The following MALRD1 variants were observed in gnomAD, a reference collection of about 807,000 sequenced individuals.
The protein encoded by MALRD1 is MAM and LDL-receptor class A domain-containing protein 1.
A neutral mutation model predicts 242.1 loss-of-function variants in MALRD1; 247 were observed. The observed-to-expected ratio is 1.02, with a 90% CI of 0.92 to 1.13. The LOEUF is 1.13. Among genes scored for constraint, MALRD1 ranks in the 50% most tolerant of loss-of-function variants. MALRD1 has a pLI of 0.00. For missense variants in MALRD1, 2,989 were observed against 2,533.1 expected (o/e 1.18, Z -3.86); for synonymous variants, 995 against 866.6 (o/e 1.15, Z -2.60).
At chr10:19,476,639 G>A (rs187864681) in intron 29 of MALRD1, among the ~76,000 whole-genome samples, 8 of 152,298 alleles carry the variant, frequency 5.3e-5, no homozygotes, top group Admixed American at 1.3e-4. Flanking sequence ...TGAGGTATTT[G>A]TATGTGAATA....
chr10:19,535,927 C>T lies in MALRD1; in HGVS notation c.5478+4576C>T, dbSNP rs559944593. On this transcript the variant is annotated intron_variant, in intron 32 of 39. Coordinates refer to ENST00000454679, the MANE Select transcript of MALRD1 (RefSeq NM_001142308.3). ...TAGAAACCCTTCAGAGGGGATGTGG[C>T]AAAGAAAATACCTAAGATGAATTTT... is the stretch of plus-strand genomic sequence containing the variant. 3.9e-4 allele frequency among the ~76,000 whole-genome samples: 60 copies of T among 152,006 alleles called. 1 individual carries two copies. Among genetic ancestry groups the T allele is most frequent in the African/African-American group, 1.4e-3 (58 of 41,474 alleles).
chr10:19,591,033 T>C (rs1837752382), intron 33 of MALRD1, among the ~76,000 whole-genome samples: 1 of 152,142 alleles, frequency 6.6e-6, no homozygotes, highest in South Asian at 2.1e-4. Flanking sequence ...CCTAAAAATC[T>C]CCTGTGCTCT....
At chr10:19,489,458 G>A (rs1308864593) in intron 29 of MALRD1, 5 of 583,614 alleles carry the variant, frequency 8.6e-6, no homozygotes, top group African/African-American at 1.9e-5. Flanking sequence ...TACAATCCAG[G>A]GGAATATTTT....
chr10:19,272,889 C>T (rs1237885833), intron 19 of MALRD1, among the ~76,000 whole-genome samples: 1 of 152,120 alleles, frequency 6.6e-6, no homozygotes. Context: ...GCATAGTATT[C>T]CATGGTGTAT....
chr10:19,157,546 C>T (rs1399498433), intron 12 of MALRD1, among the ~76,000 whole-genome samples: 1 of 152,094 alleles, frequency 6.6e-6, no homozygotes, highest in Non-Finnish European at 1.5e-5. Flanking sequence ...CGCACCCAGT[C>T]GATATTTTCT....
chr10:19,051,257 A>G (rs1488677891), intron 1 of MALRD1, among the ~76,000 whole-genome samples: 1 of 151,980 alleles, frequency 6.6e-6, no homozygotes, highest in Non-Finnish European at 1.5e-5. Flanking sequence ...GATTTTTTTA[A>G]AACTAGCTTT....
chr10:19,288,060 C>T (rs759540907), intron 21 of MALRD1, among the ~76,000 whole-genome samples: 16 of 151,158 alleles, frequency 1.1e-4, no homozygotes, highest in African/African-American at 3.4e-4. Context: ...CTTTCAAGGC[C>T]GTGTCTTTTT....
Position 19,493,528 on chromosome 10 carries a change from G to A in MALRD1, c.5158+1883G>A, listed in dbSNP as rs117157050. Among the ~76,000 whole-genome samples, 364 of 151,548 alleles carry A rather than the reference G, an allele frequency of 2.4e-3. 6 individuals are homozygous for A. In the East Asian group the frequency reaches 0.049, roughly 20 times the overall value. ...ATTTCTAGCTTCTTTTAAATTCACC[G>A]GCCAGGCGCAGTGGCTCACACCTGT... On this transcript the variant is annotated intron_variant, in intron 30 of 39. Coordinates refer to ENST00000454679, the MANE Select transcript of MALRD1 (RefSeq NM_001142308.3).
At chr10:19,464,635 C>T (rs1452831572) in intron 29 of MALRD1, among the ~76,000 whole-genome samples, 1 of 152,116 alleles carries the variant, frequency 6.6e-6, no homozygotes, top group Admixed American at 6.6e-5. Flanking sequence ...AGTTTGAAGT[C>T]AAGTAATGTG....
intron 26 of MALRD1, among the ~76,000 whole-genome samples, chr10:19,385,699 CATTCTCTATGGTTT>C (rs923009363): frequency 3.3e-5 from 5 of 152,028 alleles, no homozygotes; most frequent in Admixed American, 3.3e-4. Context: ...ATTTTATTGA[CATTCTCTATGGTTT>C]ATTCTCTATA....
chr10:19,659,625 T>C (rs1291135107), intron 36 of MALRD1, among the ~76,000 whole-genome samples: 1 of 152,210 alleles, frequency 6.6e-6, no homozygotes, highest in Non-Finnish European at 1.5e-5. Flanking sequence ...AATAACGCAT[T>C]GTCTGGATCT....
At chr10:19,608,647 A>G (rs547419394) in intron 35 of MALRD1, among the ~76,000 whole-genome samples, 19 of 152,262 alleles carry the variant, frequency 1.2e-4, no homozygotes, top group Non-Finnish European at 2.6e-4. Flanking sequence ...GAAATATTTT[A>G]TATCAAAACT....
At chr10:19,734,079 A>G (rs1835398643) in intron 39 of MALRD1, 78 bp from the exon 40 acceptor site, 1 of 1,141,918 alleles carries the variant, frequency 8.8e-7, no homozygotes, top group Non-Finnish European at 1.2e-6. Context: ...CCTTTGCTGC[A>G]TTCTGCGTGA....
chr10:19,316,896 C>T (rs1160225247), intron 21 of MALRD1, among the ~76,000 whole-genome samples: 3 of 151,516 alleles, frequency 2.0e-5, no homozygotes, highest in African/African-American at 4.8e-5. Context: ...TAATTGTGCA[C>T]CTTAAAATAA....
intron 8 of MALRD1, among the ~76,000 whole-genome samples, chr10:19,133,016 G>A (rs1833175945): frequency 6.6e-6 from 1 of 152,012 alleles, no homozygotes; most frequent in Admixed American, 6.6e-5. Context: ...TTGGCTCACT[G>A]CAACCTGCGC....
intron 36 of MALRD1, among the ~76,000 whole-genome samples, chr10:19,671,094 T>C (rs999509430): frequency 1.3e-5 from 2 of 152,054 alleles, no homozygotes; most frequent in African/African-American, 4.8e-5. Context: ...TTTCACCATG[T>C]TAGCCAGGAT....
intron 18 of MALRD1, among the ~76,000 whole-genome samples, chr10:19,234,576 C>G (rs974252408): frequency 6.6e-6 from 1 of 151,854 alleles, no homozygotes; most frequent in African/African-American, 2.4e-5. Context: ...CAAAAGTGAA[C>G]TTTTTAGTAT....
intron 36 of MALRD1, among the ~76,000 whole-genome samples, chr10:19,618,758 T>G (rs767611264): frequency 6.6e-6 from 1 of 152,098 alleles, no homozygotes; most frequent in Non-Finnish European, 1.5e-5. Context: ...AAAGTGATAA[T>G]CTTTACTTTT....
At chr10:19,148,788 A>AAAAT (rs1206724666) in intron 11 of MALRD1, among the ~76,000 whole-genome samples, 2,789 of 87,928 alleles carry the variant, frequency 0.032, 79 homozygotes, top group South Asian at 0.077. Context: ...AAAAAAAAAA[A>AAAAT]ATATATATAT....
Sources: gnomAD v4.1 joint callset for allele counts (sites outside exome capture counted in the v4.1 genomes callset) on GRCh38, gnomAD v4.1.1 for gene constraint, MANE v1.5 for transcripts, NCBI Gene and HGNC (gene_info 2026-07-23, HGNC 2026-07-21) for gene names.